L3MBTL4: variants seen among roughly 807,000 people sequenced by gnomAD.
The protein encoded by L3MBTL4 is L3MBTL histone methyl-lysine binding protein 4.
L3MBTL4 carries 70 observed loss-of-function variants against 84.5 expected under a neutral mutation model. That is an observed-to-expected ratio of 0.83 (90% CI 0.68 to 1.01). The LOEUF is 1.01. Ranked by LOEUF, L3MBTL4 falls within the 50% of genes least tolerant of loss-of-function variation. The pLI, the probability that L3MBTL4 is intolerant of heterozygous loss-of-function variation, is 0.00. For missense variants in L3MBTL4, 715 were observed against 754.8 expected (o/e 0.95, Z 0.62); for synonymous variants, 274 against 259.8 (o/e 1.05, Z -0.52).
intron 10 of L3MBTL4, among the ~76,000 whole-genome samples, chr18:6,217,104 C>G (rs1442933294): frequency 6.6e-6 from 1 of 152,090 alleles, no homozygotes; most frequent in Non-Finnish European, 1.5e-5. Flanking sequence ...TATTTCTGAT[C>G]ATTTTTCCTT....
chr18:6,235,947 C>T (rs1185359279), intron 10 of L3MBTL4, among the ~76,000 whole-genome samples: 1 of 151,988 alleles, frequency 6.6e-6, no homozygotes, highest in African/African-American at 2.4e-5. Context: ...TTTTAAAAGG[C>T]CTTTATAAAT....
At chr18:6,210,309 C>T (rs2046050738) in intron 12 of L3MBTL4, among the ~76,000 whole-genome samples, 1 of 152,160 alleles carries the variant, frequency 6.6e-6, no homozygotes, top group Non-Finnish European at 1.5e-5. Context: ...GGCTTGGGCA[C>T]AAGCGACAAA....
At chr18:6,260,139 A>T (rs2048332860) in intron 5 of L3MBTL4, 1 of 151,888 alleles carries the variant, frequency 6.6e-6, no homozygotes. Flanking sequence ...ATTCTGTTCC[A>T]TTGTTCTATG....
chr18:6,207,893 T>C (rs1441603597), intron 12 of L3MBTL4, among the ~76,000 whole-genome samples: 1 of 151,722 alleles, frequency 6.6e-6, no homozygotes, highest in Non-Finnish European at 1.5e-5. Context: ...TCACTTCAGC[T>C]CAGGAGTTCA....
In L3MBTL4 at chr18:6,072,884, ATATATATAT is replaced by A. The variant is rs1568069863; in HGVS notation, c.1444+7988_1444+7996del. On this transcript the variant is annotated intron_variant, in intron 16 of 18. Coordinates refer to ENST00000317931, the MANE Select transcript of L3MBTL4 (RefSeq NM_001330559.2). ...CCGTCTCAAAAAAAAAAAAAAAAAT[ATATATATAT>A]ATATATATATATATATATATATATA... Among the ~76,000 whole-genome samples the A allele has an allele frequency of 8.2e-3, 162 of 19,730 alleles. 17 individuals are homozygous for A. Among genetic ancestry groups the A allele is most frequent in the Middle Eastern group, 0.033 (1 of 30 alleles). 12.9% of individuals were successfully genotyped at this position (19,730 alleles called of 152,430 possible). A position where few individuals can be genotyped will look rare whatever the true frequency, so the allele number is the denominator to read the frequency against.
intron 16 of L3MBTL4, chr18:6,046,841 G>A: frequency 4.3e-6 from 3 of 705,170 alleles, no homozygotes; most frequent in Non-Finnish European, 7.8e-6. Flanking sequence ...ACATCTAGAG[G>A]AACTAGAAAA....
At chr18:6,210,890 C>G (rs1277906722) in intron 12 of L3MBTL4, among the ~76,000 whole-genome samples, 8 of 152,046 alleles carry the variant, frequency 5.3e-5, no homozygotes, top group Admixed American at 2.0e-4. Flanking sequence ...ATAAATACAC[C>G]CAGGGAGGGC....
At chr18:6,083,948 C>T (rs1324488637) in intron 15 of L3MBTL4, among the ~76,000 whole-genome samples, 1 of 152,140 alleles carries the variant, frequency 6.6e-6, no homozygotes, top group Non-Finnish European at 1.5e-5. Context: ...TCCTCTCTGA[C>T]CCTCTTTCTA....
At chr18:6,381,530 G>C (rs1384409027) in intron 1 of L3MBTL4, among the ~76,000 whole-genome samples, 1 of 152,218 alleles carries the variant, frequency 6.6e-6, no homozygotes, top group East Asian at 1.9e-4. Context: ...AGGCCTGGTG[G>C]TGACAAAATC....
intron 14 of L3MBTL4, among the ~76,000 whole-genome samples, chr18:6,124,577 G>C (rs1234111480): frequency 6.6e-6 from 1 of 151,926 alleles, no homozygotes; most frequent in Non-Finnish European, 1.5e-5. Context: ...GACAGAGAGA[G>C]CTCTGAAAGA....
intron 5 of L3MBTL4, among the ~76,000 whole-genome samples, chr18:6,257,645 C>CTTT (rs770563046): frequency 7.8e-6 from 1 of 127,486 alleles, no homozygotes; most frequent in Non-Finnish European, 1.7e-5. Context: ...TTTTCTTTTT[C>CTTT]TTTTTTTTTT....
In L3MBTL4 at chr18:6,273,938, C is replaced by T. The variant is rs140920065; in HGVS notation, c.128-9900G>A. Among the ~76,000 whole-genome samples the T allele has an allele frequency of 9.0e-3, 1,378 of 152,342 alleles. 15 individuals carry two copies. The highest frequency in any genetic ancestry group is 0.013 in the Non-Finnish European group (915 of 68,034). On this transcript the variant is annotated intron_variant, in intron 4 of 18. Transcript: ENST00000317931. ...GTCATCCCTGCAAACTTGTTAGAAA[C>T]GCAAATGTGGGGACCACACCTCAGA...
At chr18:6,282,090 T>G (rs1032865628) in intron 4 of L3MBTL4, among the ~76,000 whole-genome samples, 14 of 152,132 alleles carry the variant, frequency 9.2e-5, no homozygotes, top group African/African-American at 3.4e-4. Flanking sequence ...GCAAACAAAG[T>G]GCTTCTCCAT....
At chr18:6,101,367 G>T (rs927716620) in intron 14 of L3MBTL4, among the ~76,000 whole-genome samples, 1 of 152,104 alleles carries the variant, frequency 6.6e-6, no homozygotes, top group Non-Finnish European at 1.5e-5. Flanking sequence ...CCAGGTTTGC[G>T]TGGGAGGAAT....
At chr18:6,128,125 A>G (rs976056234) in intron 14 of L3MBTL4, among the ~76,000 whole-genome samples, 1 of 152,066 alleles carries the variant, frequency 6.6e-6, no homozygotes, top group African/African-American at 2.4e-5. Flanking sequence ...ATCCAGCAAG[A>G]ACAGGATACA....
At chr18:6,258,078 G>A (rs2048231956) in intron 5 of L3MBTL4, among the ~76,000 whole-genome samples, 1 of 152,212 alleles carries the variant, frequency 6.6e-6, no homozygotes. Context: ...TGGAGAGAAG[G>A]GACACTTCTT....
At chr18:6,374,133 C>A (rs2054271105) in intron 1 of L3MBTL4, among the ~76,000 whole-genome samples, 1 of 152,234 alleles carries the variant, frequency 6.6e-6, no homozygotes, top group African/African-American at 2.4e-5. Context: ...CCGCCCTTCA[C>A]ACTCCTGCTA....
chr18:5,992,806 C>T (rs1171010320), intron 16 of L3MBTL4, among the ~76,000 whole-genome samples: 1 of 152,214 alleles, frequency 6.6e-6, no homozygotes, highest in African/African-American at 2.4e-5. Flanking sequence ...TGAGGCCTCC[C>T]CAGAAGCCAC....
intron 14 of L3MBTL4, among the ~76,000 whole-genome samples, chr18:6,121,683 C>T (rs946558508): frequency 7.4e-6 from 1 of 135,266 alleles, no homozygotes; most frequent in Non-Finnish European, 1.6e-5. Context: ...GCATTGTTTC[C>T]CCGTGTGTGT....
Sources: allele counts gnomAD v4.1 joint callset (sites outside exome capture counted in the v4.1 genomes callset), GRCh38; gene constraint gnomAD v4.1.1; transcripts MANE v1.5; gene names NCBI Gene and HGNC (gene_info 2026-07-23, HGNC 2026-07-21).